The following SEC24B variants were observed in gnomAD, a reference collection of about 807,000 sequenced individuals.
SEC24B encodes the protein SEC24 homolog B, COPII component.
SEC24B carries 45 observed loss-of-function variants against 142.8 expected under a neutral mutation model. The observed-to-expected ratio is 0.32, with a 90% CI of 0.25 to 0.40. The LOEUF (loss-of-function observed/expected upper bound fraction) is 0.40. Ranked by LOEUF, SEC24B falls within the 10% of genes least tolerant of loss-of-function variation. The pLI is 1.00. For synonymous variants in SEC24B, 574 were observed against 568.2 expected, an observed-to-expected ratio of 1.01 and a Z score of -0.15; for missense variants, 1,409 against 1,526.8, an observed-to-expected ratio of 0.92 and a Z score of 1.29.
At chr4:109,509,231 A>G (rs940296958) in intron 7 of SEC24B, among the ~76,000 whole-genome samples, 1 of 152,208 alleles carries the variant, frequency 6.6e-6, no homozygotes, top group Non-Finnish European at 1.5e-5. Context: ...TTTTGTGTTC[A>G]AGGAACAACA....
chr4:109,456,336 T>TTG (rs1241476198), intron 1 of SEC24B, among the ~76,000 whole-genome samples: 1 of 146,596 alleles, frequency 6.8e-6, no homozygotes, highest in African/African-American at 2.5e-5. Flanking sequence ...TTTTTTTTGT[T>TTG]TTTTTTTTTT....
chr4:109,511,732 G>GTT (rs1737358084), intron 8 of SEC24B, among the ~76,000 whole-genome samples: 1 of 152,174 alleles, frequency 6.6e-6, no homozygotes, highest in Non-Finnish European at 1.5e-5. Flanking sequence ...CTTGGCCAAT[G>GTT]TTTGTTATGA....
intron 6 of SEC24B, among the ~76,000 whole-genome samples, chr4:109,504,044 A>G (rs1384310821): frequency 6.6e-6 from 1 of 152,122 alleles, no homozygotes; most frequent in Non-Finnish European, 1.5e-5. Context: ...AGAAAAAAAG[A>G]GAATCCTTTT....
intron 1 of SEC24B, among the ~76,000 whole-genome samples, chr4:109,462,152 TGCCATCGCGCTCTATA>T: frequency 6.6e-6 from 1 of 152,204 alleles, no homozygotes; most frequent in South Asian, 2.1e-4. Context: ...ACCATGATCA[TGCCATCGCGCTCTATA>T]GCCATCACAC....
intron 17 of SEC24B, 95 bp downstream of exon 17, chr4:109,526,494 A>C (rs1724241202): frequency 2.4e-6 from 2 of 822,808 alleles, no homozygotes; most frequent in Non-Finnish European, 3.7e-6. Flanking sequence ...ATGAATACAC[A>C]GTGGGAAGTA....
At chr4:109,493,819 A>C (rs1735254160) in intron 5 of SEC24B, among the ~76,000 whole-genome samples, 1 of 150,964 alleles carries the variant, frequency 6.6e-6, no homozygotes, top group Non-Finnish European at 1.5e-5. Context: ...CTGGTCTCAA[A>C]CTCCTGACCT....
At chr4:109,462,521 A>G (rs1731370029) in intron 1 of SEC24B, among the ~76,000 whole-genome samples, 1 of 152,138 alleles carries the variant, frequency 6.6e-6, no homozygotes, top group Admixed American at 6.5e-5. Context: ...TCCTCCTTGC[A>G]TGGGCTTCTT....
chr4:109,489,508 G>A (rs138048063), intron 4 of SEC24B, among the ~76,000 whole-genome samples: 9 of 140,708 alleles, frequency 6.4e-5, no homozygotes, highest in Admixed American at 5.5e-4. Flanking sequence ...ATTTTGTGAA[G>A]TACTAGACAT....
intron 7 of SEC24B, 113 bp downstream of exon 7, chr4:109,506,625 ACTTTTCT>A: frequency 2.6e-6 from 2 of 768,808 alleles, no homozygotes; most frequent in Non-Finnish European, 3.8e-6. Flanking sequence ...ATTAATGTTG[ACTTTTCT>A]CTTTTAGTTT....
chr4:109,482,496 G>A (rs922286610), intron 4 of SEC24B, among the ~76,000 whole-genome samples: 1 of 152,004 alleles, frequency 6.6e-6, no homozygotes, highest in African/African-American at 2.4e-5. Context: ...TATTTTTTCA[G>A]ATTTCAGAAT....
chr4:109,443,851 A>G (rs575677236), intron 1 of SEC24B, among the ~76,000 whole-genome samples: 38 of 152,316 alleles, frequency 2.5e-4, no homozygotes, highest in African/African-American at 8.7e-4. Flanking sequence ...TGTCAGGTAA[A>G]AATGCATGAA....
At chr4:109,514,724 C>T (rs1460053512) in intron 10 of SEC24B, among the ~76,000 whole-genome samples, 1 of 152,040 alleles carries the variant, frequency 6.6e-6, no homozygotes, top group Non-Finnish European at 1.5e-5. Context: ...ACTCAAAAAA[C>T]TATATCTTCT....
At chr4:109,523,219 C>T (rs537902742) in intron 14 of SEC24B, among the ~76,000 whole-genome samples, 6 of 152,190 alleles carry the variant, frequency 3.9e-5, no homozygotes, top group African/African-American at 9.6e-5. Flanking sequence ...CCTATAATCC[C>T]GGCACTTTGG....
At position 109,513,770 on chromosome 4, in the gene SEC24B, C is replaced by T; in HGVS notation, c.1927C>T (p.Pro643Ser). The T allele has an allele frequency of 6.2e-7, 1 of 1,611,732 alleles. No individual in the cohort carries two copies. The highest frequency in any genetic ancestry group is 8.5e-7 in the Non-Finnish European group (1 of 1,178,164). The change falls in exon 10 of 24, where the codon CCC becomes TCC. Residue 643 changes from proline to serine, a missense_variant. Transcript: ENST00000265175. Reference protein sequence around the residue: ...NDVPEEFMYNPLTRSYGEPHK... With the variant: ...NDVPEEFMYNSLTRSYGEPHK... Reference sequence around the variant, plus strand: ...AGTTCCTGAAGAATTTATGTATAACCCCCTTACCCGATCTTATGGAGAGCC... The same window carrying T: ...AGTTCCTGAAGAATTTATGTATAACTCCCTTACCCGATCTTATGGAGAGCC...
intron 14 of SEC24B, among the ~76,000 whole-genome samples, chr4:109,522,903 T>A (rs961183008): frequency 3.9e-5 from 6 of 152,220 alleles, no homozygotes; most frequent in African/African-American, 1.4e-4. Context: ...TTTTTTCTTT[T>A]GTTTTTTAAA....
intron 1 of SEC24B, chr4:109,449,593 C>T: frequency 2.2e-6 from 1 of 445,120 alleles, no homozygotes; most frequent in Middle Eastern, 3.3e-4. Flanking sequence ...TGGTCATATT[C>T]TAATGAGGGC....
chr4:109,473,051 A>C lies in SEC24B; in HGVS notation c.925A>C (p.Lys309Gln). ...TGTTATGCAAAATGTTCAGCCTCCC[A>C]AGTCCAGCCCAGTGGTATCCACTGT... ...CPVMQNVQPP[K>Q]SSPVVSTVLS... Residue 309 changes from lysine to glutamine, a missense_variant, in exon 3 of 24, where the codon AAG becomes CAG. This residue lies in a region of SEC24B where 709 missense variants were observed against 673.5 expected (regional missense o/e 1.05). Transcript: ENST00000265175. The C allele has an allele frequency of 6.3e-7, 1 of 1,596,718 alleles. No homozygotes were observed. Among genetic ancestry groups the C allele is most frequent in the East Asian group, 2.3e-5 (1 of 43,876 alleles).
At chr4:109,521,848 C>T (rs1237039571) in intron 14 of SEC24B, among the ~76,000 whole-genome samples, 1 of 151,686 alleles carries the variant, frequency 6.6e-6, no homozygotes, top group Non-Finnish European at 1.5e-5. Context: ...TCTCCTGCTT[C>T]AGCCTCCTGA....
chr4:109,475,645 C>G (rs1733032577), intron 3 of SEC24B, among the ~76,000 whole-genome samples: 1 of 152,064 alleles, frequency 6.6e-6, no homozygotes, highest in Non-Finnish European at 1.5e-5. Flanking sequence ...AACATATATG[C>G]TGGCTGACTT....
Sources: gnomAD v4.1 joint callset for allele counts (sites outside exome capture counted in the v4.1 genomes callset) on GRCh38, gnomAD v4.1.1 for gene constraint, gnomAD v4.1.1 regional missense constraint, MANE v1.5 for transcripts, NCBI Gene and HGNC (gene_info 2026-07-23, HGNC 2026-07-21) for gene names.